The following DPY19L4 variants were observed in gnomAD, a reference collection of about 807,000 sequenced individuals.
The protein encoded by DPY19L4 is probable C-mannosyltransferase DPY19L4.
In DPY19L4, 97 loss-of-function variants were observed where a neutral mutation model predicts 102.8. That is an observed-to-expected ratio of 0.94 (90% confidence interval 0.80 to 1.12). The LOEUF is 1.12. DPY19L4 is among the 50% of genes most tolerant of loss of function. The pLI, the probability that DPY19L4 is intolerant of heterozygous loss-of-function variation, is 0.00. For synonymous variants in DPY19L4, 252 were observed against 283.1 expected (o/e 0.89, Z 1.10); for missense variants, 815 against 850.4 (o/e 0.96, Z 0.52).
chr8:94,763,710 G>A (rs1238428510), intron 8 of DPY19L4, among the ~76,000 whole-genome samples: 1 of 151,428 alleles, frequency 6.6e-6, no homozygotes, highest in Non-Finnish European at 1.5e-5. Context: ...ATTTTTAGTA[G>A]AGAATGAGTT....
intron 2 of DPY19L4, among the ~76,000 whole-genome samples, chr8:94,728,904 A>G (rs1479887050): frequency 6.6e-6 from 1 of 152,198 alleles, no homozygotes; most frequent in Non-Finnish European, 1.5e-5. Flanking sequence ...TTTATTAACC[A>G]GGCATGGTGG....
At chr8:94,730,101 C>G (rs1810880864) in intron 2 of DPY19L4, among the ~76,000 whole-genome samples, 1 of 150,516 alleles carries the variant, frequency 6.6e-6, no homozygotes, top group South Asian at 2.1e-4. Context: ...GAAATTGAAT[C>G]CTGCATTTTT....
chr8:94,772,974 G>A (rs1374413901), intron 13 of DPY19L4, among the ~76,000 whole-genome samples: 1 of 152,116 alleles, frequency 6.6e-6, no homozygotes, highest in Admixed American at 6.5e-5. Flanking sequence ...GATTTTGGGG[G>A]CCTGAGGCGA....
intron 13 of DPY19L4, among the ~76,000 whole-genome samples, chr8:94,773,213 C>CA (rs1319486647): frequency 0.091 from 6,118 of 67,402 alleles, 188 homozygotes; most frequent in Non-Finnish European, 0.1. Context: ...GACTCCGTAT[C>CA]AAAAAAAAAA....
Position 94,765,272 on chromosome 8 carries a change from A to G in DPY19L4, c.960A>G (p.Leu320=), listed in dbSNP as rs1255253360. 2 of 1,609,810 alleles carry G rather than the reference A, an allele frequency of 1.2e-6. No individual in the cohort carries two copies. Among genetic ancestry groups the G allele is most frequent in the South Asian group, 1.1e-5 (1 of 89,422 alleles). The part of the protein sequence containing the change: ...FENPALLVSP[L]LSLVAALMLA... ...ATCCAGCTTTGTTGGTATCTCCTTT[A>G]TTAAGTTTAGTAGCAGCCTTAATGC... Residue 320 remains leucine (L), a synonymous_variant, in exon 9 of 19, where the codon TTA becomes TTG. Transcript: ENST00000414645.
intron 13 of DPY19L4, among the ~76,000 whole-genome samples, chr8:94,774,888 T>C (rs1258893954): frequency 1.3e-5 from 2 of 152,024 alleles, no homozygotes; most frequent in Admixed American, 1.3e-4. Flanking sequence ...TTATTTTCCA[T>C]TTCTATGAAT....
chr8:94,740,957 T>C (rs1480026524), intron 6 of DPY19L4, among the ~76,000 whole-genome samples: 2 of 152,202 alleles, frequency 1.3e-5, no homozygotes, highest in Non-Finnish European at 2.9e-5. Context: ...CTTAATACTC[T>C]GTAAATCTAA....
At chr8:94,750,670 AATGAAC>A (rs1474858930) in intron 6 of DPY19L4, among the ~76,000 whole-genome samples, 1 of 152,190 alleles carries the variant, frequency 6.6e-6, no homozygotes, top group African/African-American at 2.4e-5. Context: ...ATTGACATAG[AATGAAC>A]TGGACATATT....
At position 94,769,062 on chromosome 8, in the gene DPY19L4, G is replaced by GT. The variant is rs983995829; in HGVS notation, c.1334+525dup. On this transcript the variant is annotated intron_variant, in intron 12 of 18. Transcript: ENST00000414645. ...AGAAAAATTTAAACTTAGTTTTTTT[G>GT]TTTTTTTTTTTTTTTTGAGACGGAG... Among the ~76,000 whole-genome samples the GT allele has an allele frequency of 4.6e-3, 585 of 127,196 alleles. 3 individuals are homozygous for GT. The highest frequency in any genetic ancestry group is 6.2e-3 in the Non-Finnish European group (371 of 59,920). 83.4% of individuals were successfully genotyped at this position (127,196 alleles called of 152,430 possible). A position where few individuals can be genotyped will look rare whatever the true frequency, so the allele number is the denominator to read the frequency against.
At chr8:94,780,937 G>A (rs1243030066) in intron 15 of DPY19L4, 147 bp from the exon 16 acceptor site, 1 of 583,784 alleles carries the variant, frequency 1.7e-6, no homozygotes, top group Non-Finnish European at 2.9e-6. Flanking sequence ...GATCCATCAT[G>A]ACATTTTTTC....
intron 12 of DPY19L4, 120 bp downstream of exon 12, chr8:94,768,673 C>T: frequency 1.5e-6 from 1 of 681,602 alleles, no homozygotes; most frequent in East Asian, 3.6e-5. Flanking sequence ...TTTCCATTCT[C>T]TTTTCATTGA....
chr8:94,732,530 A>AAAAAT, intron 2 of DPY19L4, among the ~76,000 whole-genome samples: 1 of 152,372 alleles, frequency 6.6e-6, no homozygotes, highest in East Asian at 1.9e-4. Context: ...CTGTCTCTAC[A>AAAAAT]AAAATAAAAT....
intron 1 of DPY19L4, among the ~76,000 whole-genome samples, chr8:94,722,631 G>T (rs1398246267): frequency 6.6e-6 from 1 of 152,044 alleles, no homozygotes; most frequent in East Asian, 1.9e-4. Flanking sequence ...TTATTATAAT[G>T]CTAGTAATAA....
chr8:94,763,427 G>A lies in DPY19L4; in HGVS notation c.870+1593G>A, dbSNP rs182579966. 3.0e-4 allele frequency among the ~76,000 whole-genome samples: 45 copies of A among 151,362 alleles called. No homozygotes were observed. In the East Asian group the frequency reaches 7.2e-3, roughly 24 times the overall value. Reference sequence around the variant, plus strand: ...TCAATCACAGCTCACTGCAACCTCCGCCTCCCAGGCTCAAGCAATCCTCCC... The same window carrying A: ...TCAATCACAGCTCACTGCAACCTCCACCTCCCAGGCTCAAGCAATCCTCCC... On this transcript the variant is annotated intron_variant, in intron 8 of 18. Coordinates refer to ENST00000414645, the MANE Select transcript of DPY19L4 (RefSeq NM_181787.3).
At chr8:94,779,859 T>C (rs552939141) in intron 14 of DPY19L4, among the ~76,000 whole-genome samples, 2 of 152,222 alleles carry the variant, frequency 1.3e-5, no homozygotes, top group Non-Finnish European at 2.9e-5. Flanking sequence ...AGGATGATGA[T>C]ACATTATCTT....
At chr8:94,752,831 AT>A (rs916643537) in intron 6 of DPY19L4, among the ~76,000 whole-genome samples, 1 of 150,712 alleles carries the variant, frequency 6.6e-6, no homozygotes, top group Non-Finnish European at 1.5e-5. Context: ...TGCCCGGCTA[AT>A]TTTTTTGTAT....
intron 17 of DPY19L4, among the ~76,000 whole-genome samples, chr8:94,784,511 C>G (rs1260476991): frequency 1.3e-5 from 2 of 152,212 alleles, no homozygotes; most frequent in African/African-American, 4.8e-5. Context: ...TCACTGCAAC[C>G]TCCACCTCCC....
intron 14 of DPY19L4, among the ~76,000 whole-genome samples, chr8:94,778,676 T>A (rs1813295733): frequency 6.6e-6 from 1 of 152,112 alleles, no homozygotes; most frequent in Admixed American, 6.6e-5. Context: ...TCTTTCTTTT[T>A]TTTTTCTTTT....
At position 94,755,948 on chromosome 8, in the gene DPY19L4, A is replaced by G. The variant is rs1419739127; in HGVS notation, c.612-88A>G. On this transcript the variant is annotated intron_variant, in intron 6 of 18. Coordinates refer to ENST00000414645, the MANE Select transcript of DPY19L4 (RefSeq NM_181787.3). ...CCTCACAGGATTGTTATGGAGAACAATGAGATTTGTGTTAAAGTACTTTGA... is the reference window on the plus strand; with the variant it reads ...CCTCACAGGATTGTTATGGAGAACAGTGAGATTTGTGTTAAAGTACTTTGA... 14 of 1,359,008 alleles carry G rather than the reference A, an allele frequency of 1.0e-5. No individual in the cohort carries two copies. In the East Asian group the frequency reaches 2.4e-4, roughly 23 times the overall value. 84.2% of individuals were successfully genotyped at this position (1,359,008 alleles called of 1,614,324 possible). A position where few individuals can be genotyped will look rare whatever the true frequency, so the allele number is the denominator to read the frequency against.
Sources: gnomAD v4.1 joint callset for allele counts (sites outside exome capture counted in the v4.1 genomes callset) on GRCh38, gnomAD v4.1.1 for gene constraint, MANE v1.5 for transcripts, NCBI Gene and HGNC (gene_info 2026-07-23, HGNC 2026-07-21) for gene names.